Variants in RIBC2 observed in about 807,000 individuals in gnomAD.
The protein encoded by RIBC2 is RIB43A domain with coiled-coils 2.
Under a neutral mutation model 44.3 loss-of-function variants are expected in RIBC2, and 40 were observed. That is an observed-to-expected ratio of 0.90 (90% CI 0.70 to 1.18). The LOEUF is 1.18. RIBC2 is among the 50% of genes most tolerant of loss of function. The probability of loss-of-function intolerance (pLI) is 0.00; values close to 1 mark genes in which losing one functional copy is unlikely to be tolerated. For synonymous variants in RIBC2, 171 were observed against 175.0 expected, an observed-to-expected ratio of 0.98 and a Z score of 0.18; for missense variants, 459 against 485.5, an observed-to-expected ratio of 0.95 and a Z score of 0.51.
intron 3 of RIBC2, among the ~76,000 whole-genome samples, chr22:45,418,671 A>G (rs1213569204): frequency 2.0e-5 from 3 of 152,136 alleles, no homozygotes; most frequent in Admixed American, 2.0e-4. Flanking sequence ...AAGACAAAAC[A>G]GGGACCAGGC....
In RIBC2 at chr22:45,422,394, T is replaced by G. The variant is rs1240871986; in HGVS notation, c.661T>G (p.Phe221Val). The G allele has an allele frequency of 1.5e-5, 24 of 1,613,528 alleles. No individual in the cohort carries two copies. The highest frequency in any genetic ancestry group is 1.7e-5 in the Admixed American group (1 of 60,004). Residue 221 changes from phenylalanine (F) to valine (V), a missense_variant, in exon 4 of 7, where the codon TTC becomes GTC. Coordinates refer to ENST00000614167, the MANE Select transcript of RIBC2 (RefSeq NM_015653.5). ...RKAVCASVKDFNKSQAIESVE... is the reference protein window; with the variant it reads ...RKAVCASVKDVNKSQAIESVE... ...GGCAGTTTGTGCATCTGTGAAAGACTTCAACAAGAGCCAGGTATAGGTACT... is the reference window on the plus strand; with the variant it reads ...GGCAGTTTGTGCATCTGTGAAAGACGTCAACAAGAGCCAGGTATAGGTACT...
chr22:45,428,282 G>T (rs966424445), intron 5 of RIBC2, among the ~76,000 whole-genome samples: 8 of 152,216 alleles, frequency 5.3e-5, no homozygotes, highest in African/African-American at 1.9e-4. Flanking sequence ...AATGGAGATG[G>T]CACATGCAGA....
At chr22:45,422,439 G>A (rs372233853) in intron 4 of RIBC2, 31 bp downstream of exon 4, 20 of 1,485,746 alleles carry the variant, frequency 1.3e-5, no homozygotes, top group South Asian at 2.3e-5. Flanking sequence ...CGGGCTCGAC[G>A]ACTGGAGGGG....
intron 4 of RIBC2, among the ~76,000 whole-genome samples, chr22:45,424,753 CTTTTT>C (rs3071820): frequency 3.2e-5 from 4 of 124,372 alleles, no homozygotes; most frequent in African/African-American, 9.4e-5. Context: ...TTTCTTTTTT[CTTTTT>C]TTTTTTTTTT....
In RIBC2 at chr22:45,413,720, G is replaced by C. The variant is rs1334863226; in HGVS notation, c.-167G>C. ...TGTTGACATTTCCGAGAGAGCGGGA[G>C]CGTCTGTACCTCTGCGGCGTCACTG... is the stretch of plus-strand genomic sequence containing the variant. On this transcript the variant is annotated 5_prime_UTR_variant, in exon 1 of 7. Coordinates refer to ENST00000614167, the MANE Select transcript of RIBC2 (RefSeq NM_015653.5). The C allele has an allele frequency of 5.2e-6, 6 of 1,159,086 alleles. No homozygotes were observed. In the African/African-American group the frequency reaches 6.2e-5, roughly 12 times the overall value. 71.8% of individuals were successfully genotyped at this position (1,159,086 alleles called of 1,614,324 possible).
chr22:45,428,894 A>G (rs937544388), intron 5 of RIBC2, among the ~76,000 whole-genome samples: 2 of 152,168 alleles, frequency 1.3e-5, no homozygotes, highest in African/African-American at 4.8e-5. Context: ...GTCCCCCACC[A>G]TGCTTAGCCA....
Position 45,432,484 on chromosome 22 carries a change from T to C in RIBC2, c.*122T>C, listed in dbSNP as rs2087589979. 5 of 643,642 alleles carry C rather than the reference T, an allele frequency of 7.8e-6. No individual in the cohort carries two copies. In the Admixed American group the frequency reaches 8.9e-5, roughly 11 times the overall value. 39.9% of individuals were successfully genotyped at this position (643,642 alleles called of 1,614,324 possible). A position where few individuals can be genotyped will look rare whatever the true frequency, so the allele number is the denominator to read the frequency against. Reference sequence around the variant, plus strand: ...GTACCCTTCAGCTGTAATCGTCCACTGTGGACAAAACATTTATCTAACCTC... The same window carrying C: ...GTACCCTTCAGCTGTAATCGTCCACCGTGGACAAAACATTTATCTAACCTC... On this transcript the variant is annotated 3_prime_UTR_variant, in exon 7 of 7. Coordinates refer to ENST00000614167, the MANE Select transcript of RIBC2 (RefSeq NM_015653.5).
chr22:45,424,164 C>G (rs775844859), intron 4 of RIBC2, among the ~76,000 whole-genome samples: 4 of 152,362 alleles, frequency 2.6e-5, no homozygotes, highest in Non-Finnish European at 4.4e-5. Context: ...ATTGCAAACA[C>G]TCCTGCACTG....
At chr22:45,422,063 A>G (rs2087490626) in intron 3 of RIBC2, among the ~76,000 whole-genome samples, 4 of 152,138 alleles carry the variant, frequency 2.6e-5, no homozygotes, top group African/African-American at 9.7e-5. Context: ...GCAGGACAGC[A>G]AGGGGCACAC....
chr22:45,424,753 C>CTTTTTTT (rs3071820), intron 4 of RIBC2, among the ~76,000 whole-genome samples: 7 of 124,364 alleles, frequency 5.6e-5, no homozygotes, highest in African/African-American at 1.3e-4. Context: ...TTTCTTTTTT[C>CTTTTTTT]TTTTTTTTTT....
In RIBC2 at chr22:45,413,930, G is replaced by A. The variant is rs540832519; in HGVS notation, c.44G>A (p.Arg15Gln). 2.6e-6 allele frequency: 4 copies of A among 1,551,710 alleles called. No individual in the cohort carries two copies. In the South Asian group the frequency reaches 3.6e-5, roughly 14 times the overall value. Residue 15 changes from arginine to glutamine, a missense_variant, in exon 1 of 7, where the codon CGG (arginine) becomes CAG (glutamine). Coordinates refer to ENST00000614167, the MANE Select transcript of RIBC2 (RefSeq NM_015653.5). ...TMAVALPRDL[R>Q]QDANLAKRRH... The stretch of plus-strand genomic sequence containing the variant: ...GCGGTGGCGCTGCCCAGGGACTTGC[G>A]GCAGGACGCCAACCTGGCAAAGAGG...
chr22:45,414,064 G>C (rs1349941445), intron 1 of RIBC2, 49 bp downstream of exon 1: 1 of 1,545,306 alleles, frequency 6.5e-7, no homozygotes, highest in East Asian at 2.5e-5. Flanking sequence ...ATGCGGGCGA[G>C]GGGCTGCGTG....
intron 4 of RIBC2, among the ~76,000 whole-genome samples, chr22:45,424,311 C>G (rs1383342040): frequency 1.3e-5 from 2 of 152,202 alleles, no homozygotes; most frequent in African/African-American, 4.8e-5. Context: ...GCCTCCAGTT[C>G]TTGGGTCGGG....
chr22:45,414,868 C>CA (rs2087405066), intron 2 of RIBC2, among the ~76,000 whole-genome samples: 2 of 152,096 alleles, frequency 1.3e-5, no homozygotes, highest in Non-Finnish European at 2.9e-5. Context: ...GACACACACA[C>CA]ACACTCACTT....
intron 3 of RIBC2, among the ~76,000 whole-genome samples, chr22:45,421,595 G>A (rs62226844): frequency 9.4e-5 from 3 of 32,002 alleles, no homozygotes; most frequent in Non-Finnish European, 1.6e-4. Context: ...AATAATAATA[G>A]TATTATTAAT....
In RIBC2 at chr22:45,426,350, A is replaced by G. The variant is rs538507031; in HGVS notation, c.903+175A>G. Among the ~76,000 whole-genome samples the G allele has an allele frequency of 3.2e-4, 48 of 152,366 alleles. No homozygotes were observed. Among genetic ancestry groups the G allele is most frequent in the African/African-American group, 1.2e-3 (48 of 41,584 alleles). On this transcript the variant is annotated intron_variant, in intron 5 of 6. Coordinates refer to ENST00000614167, the MANE Select transcript of RIBC2 (RefSeq NM_015653.5). The stretch of plus-strand genomic sequence containing the variant: ...AGCCAGATAGTGTCACACCCGTATG[A>G]TGTGGCATTAGGAGTAGGAGTGCCA...
At chr22:45,432,017 A>G (rs1014000135) in intron 6 of RIBC2, among the ~76,000 whole-genome samples, 1 of 152,084 alleles carries the variant, frequency 6.6e-6, no homozygotes, top group Non-Finnish European at 1.5e-5. Context: ...CAGGGTGAAC[A>G]CCCACGGAGA....
At chr22:45,429,317 G>T (rs977582297) in intron 5 of RIBC2, among the ~76,000 whole-genome samples, 2 of 152,224 alleles carry the variant, frequency 1.3e-5, no homozygotes, top group Non-Finnish European at 2.9e-5. Context: ...TCTTTGGAGA[G>T]GAGGCAGGAG....
At chr22:45,419,646 ATCACTGAGCCTGGAAGG>A (rs2087458877) in intron 3 of RIBC2, among the ~76,000 whole-genome samples, 2 of 151,744 alleles carry the variant, frequency 1.3e-5, no homozygotes, top group South Asian at 4.2e-4. Context: ...AGGCAGGAGG[ATCACTGAGCCTGGAAGG>A]TCAAGGCTAC....
Sources: gnomAD v4.1 joint callset for allele counts (sites outside exome capture counted in the v4.1 genomes callset) on GRCh38, gnomAD v4.1.1 for gene constraint, MANE v1.5 for transcripts, NCBI Gene and HGNC (gene_info 2026-07-23, HGNC 2026-07-21) for gene names.